Variants in PPARGC1A observed in about 807,000 individuals in gnomAD.
The protein encoded by PPARGC1A is peroxisome proliferator-activated receptor gamma coactivator 1-alpha.
In PPARGC1A, 25 loss-of-function variants were observed where a neutral mutation model predicts 88.7. The observed-to-expected ratio is 0.28, with a 90% confidence interval of 0.21 to 0.39. PPARGC1A has a LOEUF of 0.39. Ranked by LOEUF, PPARGC1A falls within the 10% of genes least tolerant of loss-of-function variation. PPARGC1A has a pLI of 1.00. For synonymous variants in PPARGC1A, 363 were observed against 355.6 expected, an observed-to-expected ratio of 1.02 and a Z score of -0.24; for missense variants, 880 against 968.7, an observed-to-expected ratio of 0.91 and a Z score of 1.22.
the PPARGC1A span, among the ~76,000 whole-genome samples, chr4:24,424,722 T>G: frequency 6.6e-6 from 1 of 152,214 alleles, no homozygotes; most frequent in Non-Finnish European, 1.5e-5. Flanking sequence ...AAGCATAATT[T>G]GAGCATCATC....
the PPARGC1A span, among the ~76,000 whole-genome samples, chr4:24,001,521 C>A: frequency 1.8e-4 from 27 of 152,258 alleles, no homozygotes; most frequent in South Asian, 1.5e-3. Flanking sequence ...AATTTAGCAA[C>A]TGACATCCCA....
At chr4:24,332,275 G>T in the PPARGC1A span, among the ~76,000 whole-genome samples, 1 of 152,026 alleles carries the variant, frequency 6.6e-6, no homozygotes, top group Non-Finnish European at 1.5e-5. Context: ...ACCATGCCTG[G>T]CCTAGAAGAG....
the PPARGC1A span, among the ~76,000 whole-genome samples, chr4:24,053,373 G>A: frequency 6.6e-6 from 1 of 152,260 alleles, no homozygotes; most frequent in African/African-American, 2.4e-5. Context: ...CATGGGAAAA[G>A]AGCAAAATAC....
the PPARGC1A span, among the ~76,000 whole-genome samples, chr4:24,068,142 G>A: frequency 2.0e-5 from 3 of 152,324 alleles, no homozygotes; most frequent in Admixed American, 2.0e-4. Context: ...CCTCCAGGAA[G>A]CCACTCTTTA....
At chr4:23,885,604 C>A (rs974700628) in intron 1 of PPARGC1A, among the ~76,000 whole-genome samples, 1 of 151,966 alleles carries the variant, frequency 6.6e-6, no homozygotes, top group African/African-American at 2.4e-5. Flanking sequence ...GGACAAAAAT[C>A]ATAATTTTTT....
chr4:24,173,167 T>C, the PPARGC1A span, among the ~76,000 whole-genome samples: 1 of 152,146 alleles, frequency 6.6e-6, no homozygotes, highest in Non-Finnish European at 1.5e-5. Context: ...GCTAACGATG[T>C]GTCAGAGTGG....
the PPARGC1A span, among the ~76,000 whole-genome samples, chr4:24,076,835 A>C: frequency 6.6e-6 from 1 of 152,098 alleles, no homozygotes; most frequent in Non-Finnish European, 1.5e-5. Context: ...TCATCATCCC[A>C]ATATAGTTAC....
the PPARGC1A span, among the ~76,000 whole-genome samples, chr4:24,377,969 A>G: frequency 6.6e-6 from 1 of 152,330 alleles, no homozygotes; most frequent in East Asian, 1.9e-4. Flanking sequence ...TGCCACAGAA[A>G]TAAGATAATC....
chr4:24,320,529 T>A, the PPARGC1A span, among the ~76,000 whole-genome samples: 3 of 152,252 alleles, frequency 2.0e-5, no homozygotes, highest in Non-Finnish European at 4.4e-5. Context: ...TGGTTTTTGC[T>A]CTTTTTGACA....
At chr4:24,068,484 C>T in the PPARGC1A span, among the ~76,000 whole-genome samples, 1 of 152,076 alleles carries the variant, frequency 6.6e-6, no homozygotes, top group Non-Finnish European at 1.5e-5. Flanking sequence ...CAATGGGCTT[C>T]AGGGAATTGC....
At chr4:24,151,277 G>A in the PPARGC1A span, among the ~76,000 whole-genome samples, 22 of 152,186 alleles carry the variant, frequency 1.4e-4, no homozygotes, top group African/African-American at 4.8e-4. Context: ...AGGCTATGAA[G>A]TCCAAGAAAA....
At chr4:24,130,709 C>G in the PPARGC1A span, among the ~76,000 whole-genome samples, 1 of 152,134 alleles carries the variant, frequency 6.6e-6, no homozygotes, top group Non-Finnish European at 1.5e-5. Context: ...ACGTCCTCAT[C>G]TGCCAAATGA....
the PPARGC1A span, among the ~76,000 whole-genome samples, chr4:23,982,543 G>A: frequency 6.6e-6 from 1 of 152,184 alleles, no homozygotes; most frequent in Admixed American, 6.5e-5. Context: ...GTGGTCTATA[G>A]TGGGCAGTGT....
At chr4:24,282,962 T>C in the PPARGC1A span, among the ~76,000 whole-genome samples, 2,202 of 152,284 alleles carry the variant, frequency 0.014, 20 homozygotes, top group Admixed American at 0.025. Context: ...CCGTAGGTGA[T>C]TGATGAAATG....
At chr4:24,059,529 G>T in the PPARGC1A span, among the ~76,000 whole-genome samples, 1 of 152,100 alleles carries the variant, frequency 6.6e-6, no homozygotes, top group Non-Finnish European at 1.5e-5. Flanking sequence ...TCTCTTATGT[G>T]CGTGAGATAG....
the PPARGC1A span, among the ~76,000 whole-genome samples, chr4:24,002,095 C>G: frequency 0.037 from 4,349 of 116,142 alleles, 112 homozygotes; most frequent in African/African-American, 0.095. Flanking sequence ...CACACACACA[C>G]ACAGAGAGAG....
At chr4:24,066,472 C>T in the PPARGC1A span, among the ~76,000 whole-genome samples, 2 of 152,170 alleles carry the variant, frequency 1.3e-5, no homozygotes, top group Non-Finnish European at 2.9e-5. Flanking sequence ...ATAACACTAT[C>T]CAAAGCCTGT....
chr4:24,313,639 T>A, the PPARGC1A span, among the ~76,000 whole-genome samples: 6 of 152,292 alleles, frequency 3.9e-5, no homozygotes, highest in East Asian at 1.2e-3. Flanking sequence ...AGAAGGGAGC[T>A]TTCATCCAGC....
the PPARGC1A span, among the ~76,000 whole-genome samples, chr4:24,291,347 G>A: frequency 6.6e-6 from 1 of 152,132 alleles, no homozygotes; most frequent in African/African-American, 2.4e-5. Flanking sequence ...TGGACAAGAG[G>A]TCACATGCAG....
Sources: gnomAD v4.1 joint callset for allele counts (sites outside exome capture counted in the v4.1 genomes callset) on GRCh38, gnomAD v4.1.1 for gene constraint, MANE v1.5 for transcripts, NCBI Gene and HGNC (gene_info 2026-07-23, HGNC 2026-07-21) for gene names.